Variants in MTMR2 observed in about 807,000 individuals in gnomAD.
The protein encoded by MTMR2 is myotubularin related protein 2, also known as phosphatidylinositol-3,5-bisphosphate 3-phosphatase MTMR2.
Under a neutral mutation model 86.9 loss-of-function variants are expected in MTMR2, and 55 were observed. The observed-to-expected ratio is 0.63, with a 90% CI of 0.51 to 0.79. The LOEUF is 0.79. Among genes scored for constraint, MTMR2 ranks in the 30% least tolerant of loss-of-function variants. MTMR2 has a pLI of 0.00. For synonymous variants in MTMR2, 241 were observed against 266.8 expected (o/e 0.90, Z 0.94); for missense variants, 659 against 772.3 (o/e 0.85, Z 1.74).
chr11:95,835,047 T>A lies in MTMR2; in HGVS notation c.*243A>T, dbSNP rs1863198659. ...TCCCACTGTGAATCCAGGATTGAAG[T>A]ATTTTAATATTCTTTGGATACTTAA... On this transcript the variant is annotated 3_prime_UTR_variant, in exon 15 of 15. Coordinates refer to ENST00000346299, the MANE Select transcript of MTMR2 (RefSeq NM_016156.6). The A allele has an allele frequency of 2.0e-6, 1 of 492,514 alleles. No individual in the cohort carries two copies. 30.5% of individuals were successfully genotyped at this position (492,514 alleles called of 1,614,324 possible).
chr11:95,885,088 C>T (rs1865468765), intron 2 of MTMR2, among the ~76,000 whole-genome samples: 1 of 152,052 alleles, frequency 6.6e-6, no homozygotes, highest in Non-Finnish European at 1.5e-5. Context: ...TGAAACAATT[C>T]CTGCAAACAG....
At chr11:95,890,448 T>C (rs991869665) in intron 1 of MTMR2, among the ~76,000 whole-genome samples, 3 of 152,194 alleles carry the variant, frequency 2.0e-5, no homozygotes, top group Admixed American at 2.0e-4. Flanking sequence ...CTCTTCCTTG[T>C]GGCTAGGAGA....
chr11:95,872,659 G>A (rs1474058075), intron 2 of MTMR2, among the ~76,000 whole-genome samples: 1 of 152,134 alleles, frequency 6.6e-6, no homozygotes, highest in Non-Finnish European at 1.5e-5. Context: ...TGTTGAATAG[G>A]AGTGGTGAGA....
At chr11:95,898,250 CTGGT>C (rs1263929119) in intron 1 of MTMR2, among the ~76,000 whole-genome samples, 3 of 145,372 alleles carry the variant, frequency 2.1e-5, no homozygotes, top group African/African-American at 7.9e-5. Context: ...TACTAATGGC[CTGGT>C]TGGTTTTTAA....
chr11:95,860,448 C>T (rs545086741), intron 5 of MTMR2, among the ~76,000 whole-genome samples: 1 of 152,178 alleles, frequency 6.6e-6, no homozygotes, highest in East Asian at 1.9e-4. Flanking sequence ...CTGCAGTAAG[C>T]CAAGATCACG....
At chr11:95,882,275 G>A (rs976527626) in intron 2 of MTMR2, 3 of 151,266 alleles carry the variant, frequency 2.0e-5, no homozygotes, top group Non-Finnish European at 2.9e-5. Flanking sequence ...CGAGGTGGGC[G>A]GATCATGAGA....
In MTMR2 at chr11:95,857,549, TA is replaced by T; in HGVS notation, c.654+2del. The stretch of plus-strand genomic sequence containing the variant: ...TAAAATTGAAAGAGAAGAAAGTACA[TA>T]CCTGCCTTCTATACTCTAAAAGAGG... On this transcript the variant is annotated splice_donor_variant, in intron 7 of 14. Coordinates refer to ENST00000346299, the MANE Select transcript of MTMR2 (RefSeq NM_016156.6). LOFTEE classifies it high-confidence loss of function. 6.3e-7 allele frequency: 1 copy of T among 1,595,154 alleles called. No homozygotes were observed. The highest frequency in any genetic ancestry group is 8.6e-7 in the Non-Finnish European group (1 of 1,163,044).
intron 5 of MTMR2, 45 bp downstream of exon 5, chr11:95,861,947 A>T: frequency 1.5e-6 from 2 of 1,375,218 alleles, no homozygotes; most frequent in Non-Finnish European, 2.1e-6. Flanking sequence ...TTTAATACAA[A>T]GCTTTTCAAA....
chr11:95,883,417 C>T (rs1865407260), intron 2 of MTMR2, among the ~76,000 whole-genome samples: 1 of 152,082 alleles, frequency 6.6e-6, no homozygotes, highest in Admixed American at 6.5e-5. Flanking sequence ...AATTGCATTA[C>T]TTGAAATTCT....
At chr11:95,870,731 C>CTTTTTTTTTTTT (rs1158293839) in intron 2 of MTMR2, among the ~76,000 whole-genome samples, 29 of 129,958 alleles carry the variant, frequency 2.2e-4, no homozygotes, top group African/African-American at 8.1e-4. Flanking sequence ...TTCTTTTTTT[C>CTTTTTTTTTTTT]TTTTTCTTTT....
At position 95,833,814 on chromosome 11, in the gene MTMR2, A is replaced by C. The variant is rs1863130719; in HGVS notation, c.*1476T>G. 2 of 152,088 alleles carry C rather than the reference A, an allele frequency of 1.3e-5. No individual in the cohort carries two copies. The highest frequency in any genetic ancestry group is 2.9e-5 in the Non-Finnish European group (2 of 67,990). The allele number at this position is 152,088 out of a possible 1,614,324, so 9.4% of individuals were successfully genotyped here. On this transcript the variant is annotated 3_prime_UTR_variant, in exon 15 of 15. Coordinates refer to ENST00000346299, the MANE Select transcript of MTMR2 (RefSeq NM_016156.6). ...TGTTAAAAAGCTTATATTTCACACA[A>C]TTACCAAAGAAATCATTTTGGTACC...
chr11:95,841,558 C>T (rs1010330832), intron 12 of MTMR2, 59 bp downstream of exon 12: 1 of 1,259,262 alleles, frequency 7.9e-7, no homozygotes, highest in African/African-American at 1.5e-5. Flanking sequence ...CCAAATCTCC[C>T]CACTCTGACA....
At chr11:95,899,749 T>C (rs1182880543) in intron 1 of MTMR2, among the ~76,000 whole-genome samples, 1 of 151,888 alleles carries the variant, frequency 6.6e-6, no homozygotes, top group Non-Finnish European at 1.5e-5. Flanking sequence ...GTTAGTAGGA[T>C]TTGATGGTAA....
In MTMR2 at chr11:95,844,758, T is replaced by A. The variant is rs542817065; in HGVS notation, c.1386+195A>T. Reference sequence around the variant, plus strand: ...CACAGAAAAGACTGGGTCAGACACTTGACAAATAGCTAGCTCTGACTCCAG... The same window carrying A: ...CACAGAAAAGACTGGGTCAGACACTAGACAAATAGCTAGCTCTGACTCCAG... On this transcript the variant is annotated intron_variant, in intron 11 of 14. Transcript: ENST00000346299. Among the ~76,000 whole-genome samples the A allele has an allele frequency of 9.2e-5, 14 of 152,242 alleles. No homozygotes were observed. The East Asian group carries it at 2.7e-3, about 29-fold the overall frequency.
intron 2 of MTMR2, among the ~76,000 whole-genome samples, chr11:95,877,471 C>G (rs1361887463): frequency 6.7e-6 from 1 of 149,538 alleles, no homozygotes; most frequent in African/African-American, 2.5e-5. Flanking sequence ...AAAAGGATGA[C>G]TATCTAAAGA....
intron 8 of MTMR2, among the ~76,000 whole-genome samples, chr11:95,850,334 T>C (rs1175155055): frequency 6.6e-6 from 1 of 151,942 alleles, no homozygotes; most frequent in Non-Finnish European, 1.5e-5. Context: ...GATAAATAAA[T>C]AGTGACTAAT....
chr11:95,875,109 A>G (rs1324043354), intron 2 of MTMR2, among the ~76,000 whole-genome samples: 2 of 151,634 alleles, frequency 1.3e-5, no homozygotes, highest in African/African-American at 2.4e-5. Flanking sequence ...TCTTTGTGGC[A>G]TTCTCTGTAT....
intron 2 of MTMR2, among the ~76,000 whole-genome samples, chr11:95,871,400 G>A (rs1166461643): frequency 3.9e-5 from 6 of 152,186 alleles, no homozygotes; most frequent in Non-Finnish European, 5.9e-5. Flanking sequence ...TCCAGCACCT[G>A]TTGTTTCCTG....
rs1590978234 is a variant in MTMR2 at position 95,844,976 on chromosome 11, T to G, written c.1363A>C (p.Ser455Arg). The part of the protein sequence containing the change: ...FEVLVEKEWL[S>R]FGHRFQLRVG... ...ACTAGTTGAAATCGATGTCCAAAAC[T>G]TAGCCATTCTTTCTCCACAAGGACT... Residue 455 changes from serine (S) to arginine (R), a missense_variant, in exon 11 of 15, where the codon AGT (serine) becomes CGT (arginine). Ser to Arg is a moderately radical substitution (Grantham distance 110, BLOSUM62 -1). Coordinates refer to ENST00000346299, the MANE Select transcript of MTMR2 (RefSeq NM_016156.6). The G allele has an allele frequency of 6.2e-7, 1 of 1,613,760 alleles. No homozygotes were observed. The highest frequency in any genetic ancestry group is 8.5e-7 in the Non-Finnish European group (1 of 1,179,724).
Sources: gnomAD v4.1 joint callset for allele counts (sites outside exome capture counted in the v4.1 genomes callset) on GRCh38, gnomAD v4.1.1 for gene constraint, MANE v1.5 for transcripts, NCBI Gene and HGNC (gene_info 2026-07-23, HGNC 2026-07-21) for gene names.